The following RANBP17 variants were observed in gnomAD, a reference collection of about 807,000 sequenced individuals.
RANBP17 encodes ran-binding protein 17.
RANBP17 carries 158 observed loss-of-function variants against 141.2 expected under a neutral mutation model. The observed-to-expected ratio is 1.12, with a 90% CI of 0.98 to 1.28. The LOEUF (loss-of-function observed/expected upper bound fraction) is 1.28. Ranked by LOEUF, RANBP17 falls within the 50% of genes most tolerant of loss-of-function variation. The pLI is 0.00. For synonymous variants in RANBP17, 430 were observed against 450.0 expected, an observed-to-expected ratio of 0.96 and a Z score of 0.56; for missense variants, 1,438 against 1,290.7, an observed-to-expected ratio of 1.11 and a Z score of -1.75.
intron 14 of RANBP17, among the ~76,000 whole-genome samples, chr5:170,975,606 CACAA>C (rs1485313964): frequency 6.6e-6 from 1 of 152,172 alleles, no homozygotes; most frequent in African/African-American, 2.4e-5. Flanking sequence ...AACAGTAGGA[CACAA>C]ACAATTCTTC....
chr5:170,862,660 C>CCGGGCG (rs200590393), intron 1 of RANBP17, among the ~76,000 whole-genome samples: 1,704 of 152,162 alleles, frequency 0.011, 19 homozygotes, highest in African/African-American at 0.029. Flanking sequence ...GAAACCCGGG[C>CCGGGCG]CGGGCGCGGG....
At chr5:171,078,392 G>A (rs1340862699) in intron 14 of RANBP17, among the ~76,000 whole-genome samples, 2 of 152,176 alleles carry the variant, frequency 1.3e-5, no homozygotes, top group African/African-American at 2.4e-5. Flanking sequence ...CTGACATCAA[G>A]TAATCCACCT....
chr5:171,140,982 A>G (rs148733260), intron 14 of RANBP17, among the ~76,000 whole-genome samples: 3 of 152,200 alleles, frequency 2.0e-5, no homozygotes, highest in African/African-American at 4.8e-5. Flanking sequence ...AGCAGAAACT[A>G]TCTTTGGCTG....
In RANBP17 at chr5:171,265,703, C is replaced by T; in HGVS notation, c.2799C>T (p.Cys933=). Reference sequence around the variant, plus strand: ...CAGATACAGTTGTCTCCTCCAGCTGCTGTACCAGTTTAGACTACATCGTCA... The same window carrying T: ...CAGATACAGTTGTCTCCTCCAGCTGTTGTACCAGTTTAGACTACATCGTCA... ...TTLDTVVSSS[C]CTSLDYIVTY... Residue 933 remains cysteine, a synonymous_variant, in exon 25 of 28, where the codon TGC becomes TGT. Coordinates refer to ENST00000523189, the MANE Select transcript of RANBP17 (RefSeq NM_022897.5). 4.3e-6 allele frequency: 7 copies of T among 1,613,438 alleles called. No homozygotes were observed. The highest frequency in any genetic ancestry group is 5.9e-6 in the Non-Finnish European group (7 of 1,179,830).
At chr5:171,134,854 A>G (rs570611831) in intron 14 of RANBP17, among the ~76,000 whole-genome samples, 2 of 151,964 alleles carry the variant, frequency 1.3e-5, no homozygotes, top group East Asian at 3.9e-4. Context: ...CCTGGGAAGC[A>G]GAGGTTATAG....
chr5:171,292,136 G>A (rs1015287327), intron 25 of RANBP17, among the ~76,000 whole-genome samples: 1 of 152,154 alleles, frequency 6.6e-6, no homozygotes, highest in Non-Finnish European at 1.5e-5. Flanking sequence ...ACTTTGGGTG[G>A]CTTGTTAGAT....
chr5:171,092,784 A>G (rs978797093), intron 14 of RANBP17, among the ~76,000 whole-genome samples: 1 of 152,224 alleles, frequency 6.6e-6, no homozygotes, highest in Non-Finnish European at 1.5e-5. Flanking sequence ...CCCCATAGTA[A>G]TGAAGAAACC....
At chr5:171,040,968 G>A (rs7708087) in intron 14 of RANBP17, among the ~76,000 whole-genome samples, 104,218 of 151,982 alleles carry the variant, frequency 0.69, 35,912 homozygotes, top group South Asian at 0.89. Context: ...GGTTTCAGTC[G>A]AAATGTTGAT....
At chr5:171,185,118 G>T (rs183777932) in intron 18 of RANBP17, among the ~76,000 whole-genome samples, 1 of 152,178 alleles carries the variant, frequency 6.6e-6, no homozygotes, top group Non-Finnish European at 1.5e-5. Context: ...AGTCGACATC[G>T]TGCCACTGCA....
At chr5:171,003,084 G>A (rs1581366932) in intron 14 of RANBP17, among the ~76,000 whole-genome samples, 1 of 152,304 alleles carries the variant, frequency 6.6e-6, no homozygotes, top group Non-Finnish European at 1.5e-5. Flanking sequence ...GAAAGTATTA[G>A]GGCAATGGCG....
chr5:170,954,346 G>A (rs1002408414), intron 13 of RANBP17, among the ~76,000 whole-genome samples: 5 of 151,932 alleles, frequency 3.3e-5, no homozygotes, highest in Admixed American at 1.3e-4. Flanking sequence ...TTTAATTAAC[G>A]TGTATGGGTG....
At chr5:171,105,154 G>A (rs992249378) in intron 14 of RANBP17, among the ~76,000 whole-genome samples, 26 of 150,336 alleles carry the variant, frequency 1.7e-4, no homozygotes, top group African/African-American at 4.9e-4. Context: ...AGGCCAAGGC[G>A]GGCAGATCAC....
At chr5:170,983,027 C>T (rs1052483835) in intron 14 of RANBP17, 2 of 472,012 alleles carry the variant, frequency 4.2e-6, no homozygotes, top group Non-Finnish European at 8.2e-6. Context: ...TTCACTCAGA[C>T]AAAGCCTCAA....
At chr5:170,993,297 T>A (rs775714651) in intron 14 of RANBP17, among the ~76,000 whole-genome samples, 1 of 152,222 alleles carries the variant, frequency 6.6e-6, no homozygotes, top group East Asian at 1.9e-4. Context: ...TAATGACTTT[T>A]CAGAAAACTG....
At chr5:171,171,064 A>C in intron 15 of RANBP17, 142 bp from the exon 16 acceptor site, 1 of 538,566 alleles carries the variant, frequency 1.9e-6, no homozygotes, top group Non-Finnish European at 3.3e-6. Flanking sequence ...GAAAGAATAG[A>C]CAATGTTTTT....
chr5:170,959,909 A>C (rs1776011222), intron 13 of RANBP17, among the ~76,000 whole-genome samples: 1 of 152,162 alleles, frequency 6.6e-6, no homozygotes, highest in Non-Finnish European at 1.5e-5. Context: ...GCGCAAGAAA[A>C]TTTGCATATA....
chr5:170,916,079 A>G (rs574708723), intron 8 of RANBP17, among the ~76,000 whole-genome samples: 95 of 150,770 alleles, frequency 6.3e-4, no homozygotes, highest in African/African-American at 2.0e-3. Context: ...ATTATAATGC[A>G]TTATATTCTA....
intron 22 of RANBP17, among the ~76,000 whole-genome samples, chr5:171,231,705 A>C (rs1442189749): frequency 2.6e-5 from 4 of 152,184 alleles, no homozygotes; most frequent in African/African-American, 4.8e-5. Context: ...AAATACGGGG[A>C]ATTTATTTTT....
At chr5:171,057,745 TTCTTCATAGGGTAG>T (rs1783501323) in intron 14 of RANBP17, among the ~76,000 whole-genome samples, 1 of 149,746 alleles carries the variant, frequency 6.7e-6, no homozygotes, top group Non-Finnish European at 1.5e-5. Context: ...AGAAGGCACC[TTCTTCATAGGGTAG>T]CATGATGGAG....
Sources: allele counts gnomAD v4.1 joint callset (sites outside exome capture counted in the v4.1 genomes callset), GRCh38; gene constraint gnomAD v4.1.1; transcripts MANE v1.5; gene names NCBI Gene and HGNC (gene_info 2026-07-23, HGNC 2026-07-21).